The following TFCP2L1 variants were observed in gnomAD, a reference collection of about 807,000 sequenced individuals.
The protein encoded by TFCP2L1 is transcription factor CP2-like protein 1.
TFCP2L1 carries 12 observed loss-of-function variants against 72.2 expected under a neutral mutation model. That is an observed-to-expected ratio of 0.17 (90% confidence interval 0.11 to 0.27). TFCP2L1 has a LOEUF of 0.27. Ranked by LOEUF, TFCP2L1 falls within the 10% of genes least tolerant of loss-of-function variation. The pLI is 1.00. For synonymous variants in TFCP2L1, 260 were observed against 251.0 expected (o/e 1.04, Z -0.34); for missense variants, 488 against 624.6 (o/e 0.78, Z 2.33).
In TFCP2L1 at chr2:121,282,319, TAAA is replaced by T. The variant is rs539101704; in HGVS notation, c.63-1051_63-1049del. Among the ~76,000 whole-genome samples, 91 of 86,278 alleles carry T rather than the reference TAAA, an allele frequency of 1.1e-3. 1 individual carries two copies. The highest frequency in any genetic ancestry group is 3.7e-3 in the South Asian group (8 of 2,186). The allele number at this position is 86,278 out of a possible 152,430, so 56.6% of individuals were successfully genotyped here. On this transcript the variant is annotated intron_variant, in intron 1 of 14. Coordinates refer to ENST00000263707, the MANE Select transcript of TFCP2L1 (RefSeq NM_014553.3). Reference sequence around the variant, plus strand: ...CACCTCTTAACAAAACTCTCCACATTAAAAAAAAAAAAAAAAAAAAAAAAATGA... The same window carrying T: ...CACCTCTTAACAAAACTCTCCACATTAAAAAAAAAAAAAAAAAAAAAATGA...
At chr2:121,283,946 C>T (rs376804401) in intron 1 of TFCP2L1, among the ~76,000 whole-genome samples, 2 of 152,180 alleles carry the variant, frequency 1.3e-5, no homozygotes, top group Admixed American at 1.3e-4. Context: ...TTGCCATCTC[C>T]GACTACTTTG....
At chr2:121,233,905 G>A (rs577593458) in intron 12 of TFCP2L1, among the ~76,000 whole-genome samples, 186 bp downstream of exon 12, 55 of 152,362 alleles carry the variant, frequency 3.6e-4, no homozygotes, top group African/African-American at 1.3e-3. Flanking sequence ...CTGCGGGGCC[G>A]CCACGAGGTC....
In TFCP2L1 at chr2:121,274,253, A is replaced by G. The variant is rs1314395961; in HGVS notation, c.214+6867T>C. Among the ~76,000 whole-genome samples the G allele has an allele frequency of 7.9e-5, 12 of 152,130 alleles. No homozygotes were observed. The East Asian group carries it at 2.3e-3, about 29-fold the overall frequency. On this transcript the variant is annotated intron_variant, in intron 2 of 14. Transcript: ENST00000263707. ...TCATGCCTATTTTTAGATTTTCTAAATATTTACAGAGCACCTACTATACTC... is the reference window on the plus strand; with the variant it reads ...TCATGCCTATTTTTAGATTTTCTAAGTATTTACAGAGCACCTACTATACTC...
intron 8 of TFCP2L1, among the ~76,000 whole-genome samples, chr2:121,238,185 C>G (rs570448600): frequency 5.9e-5 from 9 of 152,290 alleles, no homozygotes; most frequent in African/African-American, 1.7e-4. Context: ...TTCAAAGCCC[C>G]AGCCCCAGGG....
rs1413479186 is a variant in TFCP2L1, at chr2:121,281,138, G to A, written c.196C>T (p.Leu66=). 2 of 1,613,860 alleles carry A rather than the reference G, an allele frequency of 1.2e-6. No individual in the cohort carries two copies. Among genetic ancestry groups the A allele is most frequent in the Non-Finnish European group, 1.7e-6 (2 of 1,180,054 alleles). ...SPAVKLHEET[L]TYLNQGQSYE... Reference sequence around the variant, plus strand: ...CCACTACCTTGGTTGAGGTAGGTCAGCGTCTCTTCATGCAGCTTCACGGCT... The same window carrying A: ...CCACTACCTTGGTTGAGGTAGGTCAACGTCTCTTCATGCAGCTTCACGGCT... Residue 66 remains leucine, a synonymous_variant, in exon 2 of 15, where the codon CTG becomes TTG. Coordinates refer to ENST00000263707, the MANE Select transcript of TFCP2L1 (RefSeq NM_014553.3).
In TFCP2L1 at chr2:121,255,809, C is replaced by A. The variant is rs1686705418; in HGVS notation, c.215-6162G>T. ...CCAGGCTGGAGTACAGCGGCACGAT[C>A]TCGGCTCACTGCAAGCTCTGCCTCC... On this transcript the variant is annotated intron_variant, in intron 2 of 14. Transcript: ENST00000263707. Among the ~76,000 whole-genome samples the A allele has an allele frequency of 2.6e-5, 4 of 151,430 alleles. No individual in the cohort carries two copies. The South Asian group carries it at 8.3e-4, about 32-fold the overall frequency.
chr2:121,240,308 C>T, intron 7 of TFCP2L1: 1 of 985,286 alleles, frequency 1.0e-6, no homozygotes, highest in East Asian at 1.1e-4. Context: ...CATGTGGAGT[C>T]TCCCAAAGGA....
chr2:121,242,788 GGAA>G (rs970835570), intron 6 of TFCP2L1, among the ~76,000 whole-genome samples: 23 of 152,206 alleles, frequency 1.5e-4, no homozygotes, highest in African/African-American at 5.5e-4. Flanking sequence ...AGAGGAAAGT[GGAA>G]GAAGTACAGG....
At chr2:121,226,943 C>T (rs1343192165) in intron 13 of TFCP2L1, among the ~76,000 whole-genome samples, 2 of 152,130 alleles carry the variant, frequency 1.3e-5, no homozygotes, top group South Asian at 2.1e-4. Flanking sequence ...GGCTGGTTAG[C>T]GCAGCACCGT....
In TFCP2L1 at chr2:121,234,120, C is replaced by T. The variant is rs147985704; in HGVS notation, c.1169G>A (p.Arg390Gln). The part of the protein sequence containing the change: ...EQNRVPLQQK[R>Q]DGSGDSNLSV... ...CAGGTTGCTGTCTCCACTGCCGTCC[C>T]GCTTCTGCTGCAGGGGCACTCGATT... The change falls in exon 12 of 15, where the codon CGG becomes CAG. Residue 390 changes from arginine to glutamine, a missense_variant. Arg to Gln is a conservative substitution (Grantham distance 43). Around this residue, in one of 3 missense-constraint regions of TFCP2L1, gnomAD observed 286 missense variants for 329.0 expected, o/e 0.87. Transcript: ENST00000263707. 28 of 1,613,828 alleles carry T rather than the reference C, an allele frequency of 1.7e-5. 2 individuals carry two copies. The Middle Eastern group carries it at 6.8e-4, about 39-fold the overall frequency.
chr2:121,260,730 G>A (rs1686815302), intron 2 of TFCP2L1, among the ~76,000 whole-genome samples: 1 of 152,178 alleles, frequency 6.6e-6, no homozygotes, highest in African/African-American at 2.4e-5. Context: ...CTCTCCCAGT[G>A]GGCCTCCCCT....
In TFCP2L1 at chr2:121,220,241, A is replaced by AG. The variant is rs1194406983; in HGVS notation, c.*4099dup. ...TTCCCTAGGTTAATAGCTCTGTGTA[A>AG]GGGGCTCTGGGCTGTCTGGGCAAGA... On this transcript the variant is annotated 3_prime_UTR_variant, in exon 15 of 15. Coordinates refer to ENST00000263707, the MANE Select transcript of TFCP2L1 (RefSeq NM_014553.3). 1 of 152,170 alleles carries AG rather than the reference A, an allele frequency of 6.6e-6. No homozygotes were observed. The highest frequency in any genetic ancestry group is 2.4e-5 in the African/African-American group (1 of 41,418). The allele number at this position is 152,170 out of a possible 1,614,324, so 9.4% of individuals were successfully genotyped here. A position where few individuals can be genotyped will look rare whatever the true frequency, so the allele number is the denominator to read the frequency against.
intron 11 of TFCP2L1, among the ~76,000 whole-genome samples, 171 bp downstream of exon 11, chr2:121,235,050 T>G (rs916738225): frequency 6.6e-6 from 1 of 152,250 alleles, no homozygotes; most frequent in Non-Finnish European, 1.5e-5. Flanking sequence ...ACTCCCCTGC[T>G]GTGGCCCGTG....
intron 13 of TFCP2L1, among the ~76,000 whole-genome samples, chr2:121,228,772 C>CAAA (rs59300568): frequency 0.044 from 2,567 of 58,214 alleles, 431 homozygotes; most frequent in Middle Eastern, 0.058. Flanking sequence ...CCGTGACTCA[C>CAAA]AAAAAAAAAA....
intron 2 of TFCP2L1, among the ~76,000 whole-genome samples, chr2:121,273,114 A>G (rs963433594): frequency 2.0e-5 from 3 of 152,220 alleles, no homozygotes; most frequent in Admixed American, 2.0e-4. Context: ...ATTTTACTCC[A>G]TGAATGAATG....
intron 2 of TFCP2L1, among the ~76,000 whole-genome samples, chr2:121,278,029 CTTTTTTTTTT>C (rs530823906): frequency 1.6e-5 from 2 of 122,716 alleles, no homozygotes; most frequent in South Asian, 2.6e-4. Context: ...CTTTTTCTCT[CTTTTTTTTTT>C]TTTTTTTTGA....
chr2:121,236,820 C>T (rs1368333013), intron 10 of TFCP2L1, among the ~76,000 whole-genome samples: 1 of 152,160 alleles, frequency 6.6e-6, no homozygotes, highest in Non-Finnish European at 1.5e-5. Flanking sequence ...ACTCCTCCCC[C>T]ACCTCCACCC....
intron 11 of TFCP2L1, 104 bp downstream of exon 11, chr2:121,235,117 C>A: frequency 7.8e-7 from 1 of 1,275,194 alleles, no homozygotes. Flanking sequence ...GTCCTGTCCC[C>A]CCAGCCAGAC....
rs1685978058 is a variant in TFCP2L1 at position 121,224,189 on chromosome 2, C to T, written c.*152G>A. 1.3e-5 allele frequency: 10 copies of T among 769,870 alleles called. No individual in the cohort carries two copies. Among genetic ancestry groups the T allele is most frequent in the South Asian group, 1.0e-4 (6 of 57,366 alleles). The allele number at this position is 769,870 out of a possible 1,614,324, so 47.7% of individuals were successfully genotyped here. On this transcript the variant is annotated 3_prime_UTR_variant, in exon 15 of 15. Coordinates refer to ENST00000263707, the MANE Select transcript of TFCP2L1 (RefSeq NM_014553.3). ...CGTACTTGGTGTCCACAGGCTTCTG[C>T]TGGTTGGTGCTCTGTAGCTTTCACA...
Sources: gnomAD v4.1 joint callset for allele counts (sites outside exome capture counted in the v4.1 genomes callset) on GRCh38, gnomAD v4.1.1 for gene constraint, gnomAD v4.1.1 regional missense constraint, MANE v1.5 for transcripts, NCBI Gene and HGNC (gene_info 2026-07-23, HGNC 2026-07-21) for gene names.